The following CHMP3 variants were observed in gnomAD, a reference collection of about 807,000 sequenced individuals.
CHMP3 encodes charged multivesicular body protein 3.
A neutral mutation model predicts 27.4 loss-of-function variants in CHMP3; 8 were observed. The ratio of observed to expected loss-of-function variants is 0.29; its 90% confidence interval spans 0.17 to 0.53. CHMP3 has a LOEUF of 0.53. Among genes scored for constraint, CHMP3 ranks in the 20% least tolerant of loss-of-function variants. CHMP3 has a pLI of 0.96. For missense variants in CHMP3, 208 were observed against 271.5 expected (o/e 0.77, Z 1.64); for synonymous variants, 86 against 85.5 (o/e 1.01, Z -0.03).
intron 3 of CHMP3, among the ~76,000 whole-genome samples, chr2:86,522,790 A>G (rs1558648401): frequency 6.6e-6 from 1 of 152,136 alleles, no homozygotes. Flanking sequence ...CTGTGCTTAT[A>G]ATGTGCTAAA....
intron 1 of CHMP3, among the ~76,000 whole-genome samples, chr2:86,555,031 A>G (rs2104042744): frequency 6.6e-6 from 1 of 151,962 alleles, no homozygotes. Context: ...ATTTTTTAGT[A>G]GAGACGGGGT....
intron 1 of CHMP3, chr2:86,563,065 G>C: frequency 2.1e-6 from 1 of 470,926 alleles, no homozygotes; most frequent in East Asian, 3.3e-5. Flanking sequence ...TGGCGAGGTG[G>C]AGAAACTCTT....
rs189135649 is a variant in CHMP3, at chr2:86,525,358, T to C, written c.286+3860A>G. Among the ~76,000 whole-genome samples, 656 of 152,304 alleles carry C rather than the reference T, an allele frequency of 4.3e-3. 3 individuals carry two copies. Among genetic ancestry groups the C allele is most frequent in the Admixed American group, 8.8e-3 (135 of 15,290 alleles). ...CTTTGCTGAACTAAAACACCACTTATAATGTGGGTTACGCTACAGGTAAAA... is the reference window on the plus strand; with the variant it reads ...CTTTGCTGAACTAAAACACCACTTACAATGTGGGTTACGCTACAGGTAAAA... On this transcript the variant is annotated intron_variant, in intron 3 of 5. Transcript: ENST00000263856.
chr2:86,524,665 G>A (rs1229333348), intron 3 of CHMP3, among the ~76,000 whole-genome samples: 1 of 152,116 alleles, frequency 6.6e-6, no homozygotes, highest in Admixed American at 6.6e-5. Context: ...TGGGGATCCT[G>A]GAACCAATCC....
chr2:86,563,107 T>C (rs926422269), intron 1 of CHMP3, 197 bp downstream of exon 1: 13 of 580,262 alleles, frequency 2.2e-5, no homozygotes, highest in African/African-American at 2.0e-4. Flanking sequence ...TCGAGAGCCA[T>C]GGCACCAGGA....
At chr2:86,507,696 C>A in intron 4 of CHMP3, 103 bp from the exon 5 acceptor site, 2 of 907,296 alleles carry the variant, frequency 2.2e-6, no homozygotes, top group Admixed American at 2.0e-5. Context: ...CCAGTCTATC[C>A]TTTCAAGAGC....
chr2:86,530,282 C>T (rs111719502), intron 2 of CHMP3, among the ~76,000 whole-genome samples: 32 of 152,270 alleles, frequency 2.1e-4, no homozygotes, highest in East Asian at 1.5e-3. Flanking sequence ...CATGAGCCAC[C>T]GCACCTGGCC....
At chr2:86,529,768 C>G (rs1045265138) in intron 2 of CHMP3, among the ~76,000 whole-genome samples, 1 of 152,142 alleles carries the variant, frequency 6.6e-6, no homozygotes, top group African/African-American at 2.4e-5. Flanking sequence ...AAACCTGCAA[C>G]TTAAGGAAAG....
chr2:86,530,446 T>A (rs1675877353), intron 2 of CHMP3, among the ~76,000 whole-genome samples: 1 of 152,234 alleles, frequency 6.6e-6, no homozygotes, highest in South Asian at 2.1e-4. Context: ...GGAATCATAA[T>A]ATTTTTCTTT....
intron 2 of CHMP3, among the ~76,000 whole-genome samples, chr2:86,539,023 G>A (rs114480490): frequency 6.6e-6 from 1 of 152,136 alleles, no homozygotes; most frequent in African/African-American, 2.4e-5. Context: ...CATTCCCCCC[G>A]AGTAAGTATA....
chr2:86,544,985 CCAGA>C (rs1168707132), intron 1 of CHMP3, among the ~76,000 whole-genome samples: 2 of 107,570 alleles, frequency 1.9e-5, no homozygotes, highest in African/African-American at 2.9e-5. Context: ...TCCTCACCTC[CCAGA>C]CGAAGGGCGG....
rs968940538 is a variant in CHMP3, at chr2:86,504,133, A to G, written c.*1671T>C. 8 of 152,162 alleles carry G rather than the reference A, an allele frequency of 5.3e-5. No homozygotes were observed. Among genetic ancestry groups the G allele is most frequent in the Non-Finnish European group, 1.2e-4 (8 of 68,036 alleles). 9.4% of individuals were successfully genotyped at this position (152,162 alleles called of 1,614,324 possible). ...GGGATGAACAGGTGAAGCATAGAGA[A>G]GTTTTAGGGCAGTGAAACTATTCTG... On this transcript the variant is annotated 3_prime_UTR_variant, in exon 6 of 6. Transcript: ENST00000263856.
intron 3 of CHMP3, among the ~76,000 whole-genome samples, chr2:86,518,512 T>C (rs1042741906): frequency 6.6e-6 from 1 of 152,120 alleles, no homozygotes; most frequent in African/African-American, 2.4e-5. Context: ...AAGATGTATA[T>C]GGCAGATACA....
chr2:86,518,999 A>C (rs1675423301), intron 3 of CHMP3, among the ~76,000 whole-genome samples: 2 of 152,340 alleles, frequency 1.3e-5, no homozygotes, highest in South Asian at 4.1e-4. Flanking sequence ...ATTAAAGTAT[A>C]TAATCTTTAT....
intron 1 of CHMP3, among the ~76,000 whole-genome samples, chr2:86,555,755 C>G (rs749624923): frequency 2.3e-4 from 35 of 152,206 alleles, no homozygotes; most frequent in Non-Finnish European, 4.9e-4. Context: ...GCCTTCTCTT[C>G]TTCTGTGTAT....
At chr2:86,523,431 T>G (rs1282472501) in intron 3 of CHMP3, among the ~76,000 whole-genome samples, 1 of 152,196 alleles carries the variant, frequency 6.6e-6, no homozygotes, top group Non-Finnish European at 1.5e-5. Flanking sequence ...TTTTATTTTT[T>G]ATTATATTTC....
rs1674781738 is a variant in CHMP3, at chr2:86,503,618, AAAAT to A, written c.*2182_*2185del. The stretch of plus-strand genomic sequence containing the variant: ...GACAATGGAGTATTATTCAGTGCTA[AAAAT>A]AAATGCACTATTAAGCCATGAAATG... On this transcript the variant is annotated 3_prime_UTR_variant, in exon 6 of 6. Transcript: ENST00000263856. The A allele has an allele frequency of 6.6e-6, 1 of 152,230 alleles. No homozygotes were observed. Among genetic ancestry groups the A allele is most frequent in the African/African-American group, 2.4e-5 (1 of 41,464 alleles). The allele number at this position is 152,230 out of a possible 1,614,324, so 9.4% of individuals were successfully genotyped here. A position where few individuals can be genotyped will look rare whatever the true frequency, so the allele number is the denominator to read the frequency against.
At chr2:86,537,591 C>G (rs193096077) in intron 2 of CHMP3, among the ~76,000 whole-genome samples, 5 of 152,274 alleles carry the variant, frequency 3.3e-5, no homozygotes, top group Non-Finnish European at 7.4e-5. Flanking sequence ...AATGTGGTAA[C>G]TCTGGAGATC....
At chr2:86,556,756 G>A (rs922054914) in intron 1 of CHMP3, among the ~76,000 whole-genome samples, 5 of 152,160 alleles carry the variant, frequency 3.3e-5, no homozygotes, top group African/African-American at 1.2e-4. Flanking sequence ...TCGCAGCGCC[G>A]GCTTGTCAGG....
Sources: allele counts gnomAD v4.1 joint callset (sites outside exome capture counted in the v4.1 genomes callset), GRCh38; gene constraint gnomAD v4.1.1; transcripts MANE v1.5; gene names NCBI Gene and HGNC (gene_info 2026-07-23, HGNC 2026-07-21).